Variants in PARD6G observed in about 807,000 individuals in gnomAD.
PARD6G encodes the protein partitioning defective 6 homolog gamma.
PARD6G carries 7 observed loss-of-function variants against 10.7 expected under a neutral mutation model. The observed-to-expected ratio is 0.66, with a 90% CI of 0.37 to 1.23. PARD6G has a LOEUF of 1.23. Among genes scored for constraint, PARD6G ranks in the 50% most tolerant of loss-of-function variants. PARD6G has a pLI of 0.02. For synonymous variants in PARD6G, 287 were observed against 269.4 expected (o/e 1.07, Z -0.64); for missense variants, 548 against 571.8 (o/e 0.96, Z 0.42).
rs2052801477 is a variant in PARD6G, at chr18:80,175,183, TA to T, written c.296-14578del. 6.6e-6 allele frequency among the ~76,000 whole-genome samples: 1 copy of T among 152,184 alleles called. No homozygotes were observed. Among genetic ancestry groups the T allele is most frequent in the South Asian group, 2.1e-4 (1 of 4,834 alleles). On this transcript the variant is annotated intron_variant, in intron 2 of 2. Coordinates refer to ENST00000353265, the MANE Select transcript of PARD6G (RefSeq NM_032510.4). This position sits in a 1 kb window ranked among gnomAD's most constrained non-coding sequence, Gnocchi z 6.7. Reference sequence around the variant, plus strand: ...ACTATTTAGTGCAACTAACACATGCTAGATGGGAAACACATAACACTTTAAT... The same window carrying T: ...ACTATTTAGTGCAACTAACACATGCTGATGGGAAACACATAACACTTTAAT...
At chr18:80,165,886 A>G (rs1007043505) in intron 2 of PARD6G, among the ~76,000 whole-genome samples, 18 of 152,184 alleles carry the variant, frequency 1.2e-4, no homozygotes, top group Admixed American at 1.2e-3. Context: ...GTTCAAAACC[A>G]GCCTGACCAA....
rs1446734680 is a variant in PARD6G at position 80,246,693 on chromosome 18, C to G, written c.72+584G>C. ...GGGGAGGCGTGGTCTGGGTCTGGGCCGGGGGAGAGCCGGGTGCGTGCTCTG... is the reference window on the plus strand; with the variant it reads ...GGGGAGGCGTGGTCTGGGTCTGGGCGGGGGGAGAGCCGGGTGCGTGCTCTG... On this transcript the variant is annotated intron_variant, in intron 1 of 2. Coordinates refer to ENST00000353265, the MANE Select transcript of PARD6G (RefSeq NM_032510.4). This position sits in a 1 kb window ranked among gnomAD's most constrained non-coding sequence, Gnocchi z 6.7. 1.4e-5 allele frequency among the ~76,000 whole-genome samples: 2 copies of G among 140,012 alleles called. No individual in the cohort carries two copies. The highest frequency in any genetic ancestry group is 3.1e-5 in the Non-Finnish European group (2 of 64,202). The allele number at this position is 140,012 out of a possible 152,430, so 91.9% of individuals were successfully genotyped here. A position where few individuals can be genotyped will look rare whatever the true frequency, so the allele number is the denominator to read the frequency against.
chr18:80,199,802 C>T (rs764228173), intron 2 of PARD6G, among the ~76,000 whole-genome samples: 1 of 152,116 alleles, frequency 6.6e-6, no homozygotes, highest in Non-Finnish European at 1.5e-5. Context: ...TGCCACTACA[C>T]CTGGATGATT....
At position 80,182,949 on chromosome 18, in the gene PARD6G, G is replaced by A. The variant is rs1043317542; in HGVS notation, c.295+19761C>T. On this transcript the variant is annotated intron_variant, in intron 2 of 2. Transcript: ENST00000353265. This position sits in a 1 kb window ranked among gnomAD's most constrained non-coding sequence, Gnocchi z 4.5. ...CACAACACTGCAGGCCCCACACCACGCAGCCAGACGCCCCTCCCAGTCCTC... is the reference window on the plus strand; with the variant it reads ...CACAACACTGCAGGCCCCACACCACACAGCCAGACGCCCCTCCCAGTCCTC... 3.3e-6 allele frequency: 2 copies of A among 614,508 alleles called. No individual in the cohort carries two copies. The highest frequency in any genetic ancestry group is 5.8e-6 in the Non-Finnish European group (2 of 342,382). The allele number at this position is 614,508 out of a possible 1,614,324, so 38.1% of individuals were successfully genotyped here. A position where few individuals can be genotyped will look rare whatever the true frequency, so the allele number is the denominator to read the frequency against.
rs1233568099 is a variant in PARD6G, at chr18:80,246,773, G to T, written c.72+504C>A. On this transcript the variant is annotated intron_variant, in intron 1 of 2. Coordinates refer to ENST00000353265, the MANE Select transcript of PARD6G (RefSeq NM_032510.4). The surrounding 1 kb of genome is among the most constrained non-coding windows in gnomAD (Gnocchi z 6.7). ...TAGATGTTTGGTACCGAGCGGGTGG[G>T]GGACGCCGGGCTCGGAGCCGGCGGC... 6.6e-6 allele frequency among the ~76,000 whole-genome samples: 1 copy of T among 152,024 alleles called. No individual in the cohort carries two copies. Among genetic ancestry groups the T allele is most frequent in the Non-Finnish European group, 1.5e-5 (1 of 67,950 alleles).
chr18:80,209,053 T>C (rs1418122123), intron 1 of PARD6G, among the ~76,000 whole-genome samples: 2 of 151,848 alleles, frequency 1.3e-5, no homozygotes, highest in African/African-American at 2.4e-5. Flanking sequence ...TGAGCCAAGA[T>C]TGCACCACTG....
chr18:80,215,358 T>C (rs1192625566), intron 1 of PARD6G, among the ~76,000 whole-genome samples: 2 of 152,170 alleles, frequency 1.3e-5, no homozygotes, highest in Non-Finnish European at 2.9e-5. Flanking sequence ...ATAAAAATGA[T>C]AGTATAAATG....
In PARD6G at chr18:80,246,160, G is replaced by A. The variant is rs1466508331; in HGVS notation, c.72+1117C>T. On this transcript the variant is annotated intron_variant, in intron 1 of 2. Coordinates refer to ENST00000353265, the MANE Select transcript of PARD6G (RefSeq NM_032510.4). This position sits in a 1 kb window ranked among gnomAD's most constrained non-coding sequence, Gnocchi z 6.7. ...AGTTAGGGGTGCGGGCTCCCACTCC[G>A]CCGTTAGGAGCCTTTCCCACAACTC... 6.6e-6 allele frequency among the ~76,000 whole-genome samples: 1 copy of A among 152,026 alleles called. No homozygotes were observed. Among genetic ancestry groups the A allele is most frequent in the Non-Finnish European group, 1.5e-5 (1 of 68,010 alleles).
intron 1 of PARD6G, among the ~76,000 whole-genome samples, chr18:80,217,012 G>C (rs921293541): frequency 2.0e-5 from 3 of 152,114 alleles, no homozygotes; most frequent in Admixed American, 2.0e-4. Context: ...AAGACTCCTT[G>C]GAGAAATGAC....
At chr18:80,242,931 A>G (rs1967505842) in intron 1 of PARD6G, among the ~76,000 whole-genome samples, 1 of 152,196 alleles carries the variant, frequency 6.6e-6, no homozygotes, top group Non-Finnish European at 1.5e-5. Context: ...AAAGAAACAG[A>G]TGAATGAATA....
Position 80,160,398 on chromosome 18 carries a change from C to A in PARD6G, c.504G>T (p.Lys168Asn), listed in dbSNP as rs777251478. ...CATCGCGGATGTAGAAGCCCAGCGG[C>A]TTCTCGCAGCCGTGCCGGTGCAGCC... ...RVRLHRHGCE[K>N]PLGFYIRDGA... is the part of the protein sequence containing the mutation. The change falls in exon 3 of 3, where the codon AAG (lysine) becomes AAT (asparagine). Residue 168 changes from lysine to asparagine, a missense_variant. Transcript: ENST00000353265. 2 of 1,603,562 alleles carry A rather than the reference C, an allele frequency of 1.2e-6. No homozygotes were observed. Among genetic ancestry groups the A allele is most frequent in the Non-Finnish European group, 1.7e-6 (2 of 1,175,876 alleles).
In PARD6G at chr18:80,192,224, C is replaced by T. The variant is rs913730173; in HGVS notation, c.295+10486G>A. On this transcript the variant is annotated intron_variant, in intron 2 of 2. Transcript: ENST00000353265. This position sits in a 1 kb window ranked among gnomAD's most constrained non-coding sequence, Gnocchi z 4.9. ...TTCGTTCATTCCTGAGAAGCAAGAA[C>T]ATCAATGAACACTCTCCTTCGGTGG... is the stretch of plus-strand genomic sequence containing the variant. Among the ~76,000 whole-genome samples, 9 of 152,236 alleles carry T rather than the reference C, an allele frequency of 5.9e-5. No individual in the cohort carries two copies. Among genetic ancestry groups the T allele is most frequent in the Non-Finnish European group, 1.3e-4 (9 of 68,042 alleles).
intron 1 of PARD6G, among the ~76,000 whole-genome samples, chr18:80,237,344 A>T (rs1967435874): frequency 6.6e-6 from 1 of 152,218 alleles, no homozygotes; most frequent in Admixed American, 6.5e-5. Context: ...TTATACAAAA[A>T]TTAATTCAAG....
intron 2 of PARD6G, among the ~76,000 whole-genome samples, chr18:80,190,581 C>T (rs1253757227): frequency 6.6e-6 from 1 of 152,154 alleles, no homozygotes; most frequent in African/African-American, 2.4e-5. Flanking sequence ...AGACACGGAT[C>T]CTGGTCTGTC....
rs1967352115 is a variant in PARD6G, at chr18:80,231,006, G to A, written c.72+16271C>T. 6.6e-6 allele frequency among the ~76,000 whole-genome samples: 1 copy of A among 152,220 alleles called. No homozygotes were observed. The highest frequency in any genetic ancestry group is 2.4e-5 in the African/African-American group (1 of 41,464). On this transcript the variant is annotated intron_variant, in intron 1 of 2. Transcript: ENST00000353265. This position sits in a 1 kb window ranked among gnomAD's most constrained non-coding sequence, Gnocchi z 4.2. ...GAATTCAAAAAGGGAATTTGGAAAAGACCTAAAGAGCTACAGTGATGGGAG... is the reference window on the plus strand; with the variant it reads ...GAATTCAAAAAGGGAATTTGGAAAAAACCTAAAGAGCTACAGTGATGGGAG...
rs937930815 is a variant in PARD6G, at chr18:80,184,533, G to A, written c.295+18177C>T. On this transcript the variant is annotated intron_variant, in intron 2 of 2. Coordinates refer to ENST00000353265, the MANE Select transcript of PARD6G (RefSeq NM_032510.4). The surrounding 1 kb of genome is among the most constrained non-coding windows in gnomAD (Gnocchi z 4.5). ...GGAGCAAGGCCGTGAAACCCGCAGC[G>A]GGAGCAAGGCAGTGAAACCCTCAGA... is the stretch of plus-strand genomic sequence containing the variant. The A allele has an allele frequency of 6.8e-6, 1 of 146,904 alleles. No individual in the cohort carries two copies. Among genetic ancestry groups the A allele is most frequent in the Non-Finnish European group, 1.5e-5 (1 of 65,648 alleles). The allele number at this position is 146,904 out of a possible 1,614,324, so 9.1% of individuals were successfully genotyped here. A position where few individuals can be genotyped will look rare whatever the true frequency, so the allele number is the denominator to read the frequency against.
At chr18:80,204,975 T>C (rs1434126142) in intron 1 of PARD6G, among the ~76,000 whole-genome samples, 1 of 151,914 alleles carries the variant, frequency 6.6e-6, no homozygotes. Flanking sequence ...ATAATAACAA[T>C]AGTTTGGGAA....
In PARD6G at chr18:80,189,836, T is replaced by C. The variant is rs909951802; in HGVS notation, c.295+12874A>G. Among the ~76,000 whole-genome samples, 6 of 152,174 alleles carry C rather than the reference T, an allele frequency of 3.9e-5. No homozygotes were observed. Among genetic ancestry groups the C allele is most frequent in the African/African-American group, 1.4e-4 (6 of 41,448 alleles). ...GATAGAGGCTCAAAGGCAAATGAAA[T>C]ACTGCTGTCAGAAGAATTTTTAAAC... On this transcript the variant is annotated intron_variant, in intron 2 of 2. Coordinates refer to ENST00000353265, the MANE Select transcript of PARD6G (RefSeq NM_032510.4). This position sits in a 1 kb window ranked among gnomAD's most constrained non-coding sequence, Gnocchi z 5.5.
chr18:80,211,360 A>G (rs1055316846), intron 1 of PARD6G, among the ~76,000 whole-genome samples: 2 of 152,228 alleles, frequency 1.3e-5, no homozygotes, highest in Non-Finnish European at 2.9e-5. Flanking sequence ...TTAAAAGACA[A>G]TGCTGGGACG....
Sources: gnomAD v4.1 joint callset for allele counts (sites outside exome capture counted in the v4.1 genomes callset) on GRCh38, gnomAD v4.1.1 for gene constraint, Gnocchi (gnomAD v3.1) non-coding constraint, MANE v1.5 for transcripts, NCBI Gene and HGNC (gene_info 2026-07-23, HGNC 2026-07-21) for gene names.